PAK1: variants seen among roughly 807,000 people sequenced by gnomAD.
The protein encoded by PAK1 is p21 (RAC1) activated kinase 1.
PAK1 carries 29 observed loss-of-function variants against 67.4 expected under a neutral mutation model. The observed-to-expected ratio is 0.43, with a 90% CI of 0.32 to 0.59. The LOEUF is 0.59. PAK1 is among the 20% of genes least tolerant of loss of function. The probability of loss-of-function intolerance (pLI) is 0.07; values close to 1 mark genes in which losing one functional copy is unlikely to be tolerated. For missense variants in PAK1, 337 were observed against 670.7 expected, an observed-to-expected ratio of 0.50 and a Z score of 5.50; for synonymous variants, 223 against 237.4, an observed-to-expected ratio of 0.94 and a Z score of 0.56.
At chr11:77,348,822 TA>T (rs1207243883) in intron 9 of PAK1, among the ~76,000 whole-genome samples, 1 of 152,098 alleles carries the variant, frequency 6.6e-6, no homozygotes, top group Non-Finnish European at 1.5e-5. Context: ...TATGCTACAG[TA>T]AGAAACTAGA....
At chr11:77,446,904 A>C (rs933993910) in intron 1 of PAK1, among the ~76,000 whole-genome samples, 13 of 151,984 alleles carry the variant, frequency 8.6e-5, no homozygotes, top group Non-Finnish European at 1.0e-4. Context: ...AAAGAAAAAA[A>C]AAAAACAAAA....
At chr11:77,499,669 C>T in the PAK1 span, among the ~76,000 whole-genome samples, 1 of 152,108 alleles carries the variant, frequency 6.6e-6, no homozygotes, top group African/African-American at 2.4e-5. Context: ...CTTTATTACA[C>T]TTTTTGTCTT....
intron 5 of PAK1, among the ~76,000 whole-genome samples, chr11:77,364,475 C>T (rs1947233868): frequency 6.6e-6 from 1 of 152,136 alleles, no homozygotes; most frequent in Non-Finnish European, 1.5e-5. Context: ...AAACAACAAA[C>T]ACTGAGCAAT....
the PAK1 span, among the ~76,000 whole-genome samples, chr11:77,489,009 C>T: frequency 6.6e-6 from 1 of 152,102 alleles, no homozygotes; most frequent in Non-Finnish European, 1.5e-5. Context: ...TAATAACCAA[C>T]TCCCAAAGGT....
chr11:77,463,195 G>A (rs913577279), intron 1 of PAK1, among the ~76,000 whole-genome samples: 2 of 151,996 alleles, frequency 1.3e-5, no homozygotes, highest in African/African-American at 2.4e-5. Context: ...AAGTGTTTAC[G>A]GGTGTACTGA....
At chr11:77,521,441 A>G in the PAK1 span, among the ~76,000 whole-genome samples, 1 of 152,018 alleles carries the variant, frequency 6.6e-6, no homozygotes, top group African/African-American at 2.4e-5. Flanking sequence ...AGGCAGGAGA[A>G]TTGCTTGAAC....
In PAK1 at chr11:77,387,673, T is replaced by C. The variant is rs1950621724; in HGVS notation, c.190+4658A>G. ...GTTTAGAAAATGCTTTTATATCTAC[T>C]ATGTCAAATGACAAAAGCCTACTAA... On this transcript the variant is annotated intron_variant, in intron 2 of 14. Transcript: ENST00000356341. Among the ~76,000 whole-genome samples the C allele has an allele frequency of 2.0e-5, 3 of 152,246 alleles. No homozygotes were observed. In the South Asian group the frequency reaches 6.2e-4, roughly 31 times the overall value.
At chr11:77,427,084 T>G (rs1356778931) in intron 1 of PAK1, among the ~76,000 whole-genome samples, 1 of 152,192 alleles carries the variant, frequency 6.6e-6, no homozygotes, top group African/African-American at 2.4e-5. Context: ...CCCCACATGC[T>G]ACAAGGAACC....
chr11:77,378,483 CTAA>C (rs1279868550), intron 4 of PAK1, among the ~76,000 whole-genome samples: 5 of 152,094 alleles, frequency 3.3e-5, no homozygotes, highest in African/African-American at 9.7e-5. Flanking sequence ...TATTAAATAA[CTAA>C]TAATAATATT....
At chr11:77,410,951 T>A (rs1024314333) in intron 1 of PAK1, among the ~76,000 whole-genome samples, 1 of 152,168 alleles carries the variant, frequency 6.6e-6, no homozygotes, top group African/African-American at 2.4e-5. Flanking sequence ...AGAGTCTAGT[T>A]TAACGCAACT....
intron 6 of PAK1, among the ~76,000 whole-genome samples, chr11:77,357,285 G>T (rs747101608): frequency 1.3e-5 from 2 of 152,096 alleles, no homozygotes; most frequent in Non-Finnish European, 2.9e-5. Context: ...TGACTGGACA[G>T]GCTTTTAATA....
At chr11:77,512,728 C>A in the PAK1 span, among the ~76,000 whole-genome samples, 1 of 152,162 alleles carries the variant, frequency 6.6e-6, no homozygotes, top group Non-Finnish European at 1.5e-5. Flanking sequence ...GGCTTAGATG[C>A]TTTTCACTAT....
chr11:77,353,947 A>G (rs1945640824), intron 7 of PAK1, among the ~76,000 whole-genome samples: 1 of 152,164 alleles, frequency 6.6e-6, no homozygotes, highest in African/African-American at 2.4e-5. Flanking sequence ...TGCTCTCAAG[A>G]AGGTCAATTT....
At chr11:77,327,661 T>C (rs1237549958) in intron 14 of PAK1, among the ~76,000 whole-genome samples, 1 of 152,186 alleles carries the variant, frequency 6.6e-6, no homozygotes, top group African/African-American at 2.4e-5. Context: ...GAACAACCAG[T>C]ACCAGCCACT....
intron 9 of PAK1, among the ~76,000 whole-genome samples, chr11:77,345,136 C>G (rs1395100445): frequency 6.6e-6 from 1 of 152,164 alleles, no homozygotes; most frequent in Non-Finnish European, 1.5e-5. Context: ...TCTTATGGAA[C>G]TTACAACTTG....
chr11:77,380,306 C>T (rs1294944656), intron 2 of PAK1, among the ~76,000 whole-genome samples: 1 of 152,134 alleles, frequency 6.6e-6, no homozygotes, highest in African/African-American at 2.4e-5. Context: ...CCAGCCTAGG[C>T]AACATGGCAA....
In PAK1 at chr11:77,355,662, C is replaced by A; in HGVS notation, c.772+6G>T. 1.9e-6 allele frequency: 3 copies of A among 1,607,426 alleles called. No homozygotes were observed. The South Asian group carries it at 3.3e-5, about 18-fold the overall frequency. On this transcript the variant is annotated splice_donor_region_variant and intron_variant, in intron 7 of 14. Coordinates refer to ENST00000356341, the MANE Select transcript of PAK1 (RefSeq NM_002576.5). The stretch of plus-strand genomic sequence containing the variant: ...AGAAAGGTTCAGAAAGCTACAAATT[C>A]CTTACGTAATTTCTCCAAGATCTCC...
chr11:77,517,942 T>C, the PAK1 span, among the ~76,000 whole-genome samples: 1 of 152,114 alleles, frequency 6.6e-6, no homozygotes, highest in Non-Finnish European at 1.5e-5. Context: ...CAGGCAGTAA[T>C]GAGAGCAATG....
At chr11:77,354,359 A>G (rs979775332) in intron 7 of PAK1, among the ~76,000 whole-genome samples, 1 of 152,178 alleles carries the variant, frequency 6.6e-6, no homozygotes, top group African/African-American at 2.4e-5. Context: ...ATTACTAGGA[A>G]TTGGTACTTT....
Sources: gnomAD v4.1 joint callset for allele counts (sites outside exome capture counted in the v4.1 genomes callset) on GRCh38, gnomAD v4.1.1 for gene constraint, MANE v1.5 for transcripts, NCBI Gene and HGNC (gene_info 2026-07-23, HGNC 2026-07-21) for gene names.